FAM171A1: variants seen among roughly 807,000 people sequenced by gnomAD.
The protein encoded by FAM171A1 is family with sequence similarity 171 member A1.
A neutral mutation model predicts 74.9 loss-of-function variants in FAM171A1; 23 were observed. The ratio of observed to expected loss-of-function variants is 0.31; its 90% CI spans 0.22 to 0.44. FAM171A1 has a LOEUF of 0.44. Ranked by LOEUF, FAM171A1 falls within the 20% of genes least tolerant of loss-of-function variation. FAM171A1 has a pLI of 1.00. For synonymous variants in FAM171A1, 527 were observed against 505.7 expected (o/e 1.04, Z -0.57); for missense variants, 1,162 against 1,159.2 (o/e 1.00, Z -0.03).
At chr10:15,299,794 C>T (rs1172987422) in intron 1 of FAM171A1, among the ~76,000 whole-genome samples, 8 of 151,886 alleles carry the variant, frequency 5.3e-5, no homozygotes, top group South Asian at 2.1e-4. Context: ...CTGGCTAACA[C>T]GATGAAACCC....
chr10:15,332,302 C>A (rs1835648875), intron 1 of FAM171A1, among the ~76,000 whole-genome samples: 2 of 152,116 alleles, frequency 1.3e-5, no homozygotes, highest in Non-Finnish European at 2.9e-5. Context: ...ACCTTTTAAG[C>A]AACATTAACC....
chr10:15,249,429 G>C (rs547801611), intron 4 of FAM171A1, among the ~76,000 whole-genome samples: 6 of 152,162 alleles, frequency 3.9e-5, no homozygotes, highest in Non-Finnish European at 7.4e-5. Context: ...ATTGTGTTTT[G>C]CTTTCAAAAA....
intron 6 of FAM171A1, 54 bp from the exon 7 acceptor site, chr10:15,216,164 G>C (rs1833964368): frequency 2.6e-6 from 3 of 1,139,762 alleles, no homozygotes; most frequent in Non-Finnish European, 3.8e-6. Flanking sequence ...ACTCAAAAGA[G>C]GGATCATTCA....
At chr10:15,304,536 C>T (rs1461812017) in intron 1 of FAM171A1, among the ~76,000 whole-genome samples, 5 of 152,272 alleles carry the variant, frequency 3.3e-5, no homozygotes, top group South Asian at 4.1e-4. Context: ...CCTAAACCTG[C>T]TGCGGCCGCA....
At position 15,213,644 on chromosome 10, in the gene FAM171A1, C is replaced by T; in HGVS notation, c.1944G>A (p.Leu648=). ...TCCACTCCCGGGTGCCCGCATCCTG[C>T]AGGTGCTGCTGAGAGATGGCCTGGG... ...LSSQAISQQH[L]QDAGTREWSP... Residue 648 remains leucine (L), a synonymous_variant, in exon 8 of 8, where the codon CTG becomes CTA. Transcript: ENST00000378116. This position sits in a 1 kb window ranked among gnomAD's most constrained non-coding sequence, Gnocchi z 6.8. 1 of 1,614,050 alleles carries T rather than the reference C, an allele frequency of 6.2e-7. No homozygotes were observed. Among genetic ancestry groups the T allele is most frequent in the South Asian group, 1.1e-5 (1 of 91,064 alleles).
upstream of FAM171A1, among the ~76,000 whole-genome samples, chr10:15,371,548 G>A (rs1012679798): frequency 2.0e-5 from 3 of 152,126 alleles, no homozygotes; most frequent in African/African-American, 7.2e-5. Flanking sequence ...ATTGTATCTG[G>A]GTGTGACCCC....
chr10:15,230,905 G>C (rs969662485), intron 5 of FAM171A1, among the ~76,000 whole-genome samples: 1 of 152,302 alleles, frequency 6.6e-6, no homozygotes, highest in South Asian at 2.1e-4. Context: ...GAGAAATTTT[G>C]TTCATTACCC....
At chr10:15,227,659 G>A (rs1834126070) in intron 5 of FAM171A1, among the ~76,000 whole-genome samples, 1 of 152,190 alleles carries the variant, frequency 6.6e-6, no homozygotes, top group Admixed American at 6.5e-5. Context: ...GGGATTATAG[G>A]CATCAGTCAC....
chr10:15,243,005 A>G (rs1834381939), intron 5 of FAM171A1, among the ~76,000 whole-genome samples: 1 of 152,190 alleles, frequency 6.6e-6, no homozygotes, highest in South Asian at 2.1e-4. Context: ...AGGGTCTTAA[A>G]ACAGCACAGA....
In FAM171A1 at chr10:15,330,022, A is replaced by G. The variant is rs113660275; in HGVS notation, c.97+40934T>C. Among the ~76,000 whole-genome samples the G allele has an allele frequency of 2.0e-3, 308 of 152,302 alleles. 1 individual carries two copies. The highest frequency in any genetic ancestry group is 6.9e-3 in the African/African-American group (285 of 41,564). ...ATGGCACTGCAAATCACTGAATATT[A>G]TAAGTTTAATTCTCCTGGTAAACAT... On this transcript the variant is annotated intron_variant, in intron 1 of 7. Transcript: ENST00000378116.
chr10:15,362,178 A>C (rs1287734427), intron 1 of FAM171A1, among the ~76,000 whole-genome samples: 2 of 152,240 alleles, frequency 1.3e-5, no homozygotes, highest in Non-Finnish European at 2.9e-5. Flanking sequence ...AATATAAGAC[A>C]GCTTGACCTA....
At chr10:15,332,224 A>G (rs1210812169) in intron 1 of FAM171A1, among the ~76,000 whole-genome samples, 1 of 152,042 alleles carries the variant, frequency 6.6e-6, no homozygotes, top group African/African-American at 2.4e-5. Flanking sequence ...CCAGAGTGCT[A>G]GGATTACAGG....
chr10:15,342,901 T>G (rs192998657), intron 1 of FAM171A1, among the ~76,000 whole-genome samples: 8 of 152,336 alleles, frequency 5.3e-5, no homozygotes, highest in Admixed American at 5.2e-4. Flanking sequence ...AGACCGACCT[T>G]GGAGTCATGG....
At chr10:15,284,205 A>G (rs1301625768) in intron 1 of FAM171A1, 100 bp from the exon 2 acceptor site, 2 of 1,051,980 alleles carry the variant, frequency 1.9e-6, no homozygotes, top group East Asian at 2.5e-5. Flanking sequence ...GGGCTCTGTA[A>G]GGACATCAAG....
In FAM171A1 at chr10:15,248,714, T is replaced by A. The variant is rs192241347; in HGVS notation, c.679A>T (p.Thr227Ser). ...CTGCTCTGCGTGGCCAGGGGCACAGTGACATAGATGGGACCATCCACCAGC... is the reference window on the plus strand; with the variant it reads ...CTGCTCTGCGTGGCCAGGGGCACAGAGACATAGATGGGACCATCCACCAGC... The part of the protein sequence containing the change: ...PVLVDGPIYV[T>S]VPLATQSSLR... Residue 227 changes from threonine to serine, a missense_variant, in exon 5 of 8, where the codon ACT (threonine) becomes TCT (serine). Physicochemically the swap from Thr to Ser is moderately conservative, Grantham distance 58. Transcript: ENST00000378116. The A allele has an allele frequency of 4.3e-6, 7 of 1,613,478 alleles. No individual in the cohort carries two copies. The highest frequency in any genetic ancestry group is 5.9e-6 in the Non-Finnish European group (7 of 1,179,692).
At position 15,371,200 on chromosome 10, in the gene FAM171A1, G is replaced by T; in HGVS notation, c.-148C>A. The stretch of plus-strand genomic sequence containing the variant: ...CCGATTGGCCCGGCCCCGCCGCCCC[G>T]GCCGCTCCCTCCCGCGCCCCGCGCC... On this transcript the variant is annotated 5_prime_UTR_variant, in exon 1 of 8. Coordinates refer to ENST00000378116, the MANE Select transcript of FAM171A1 (RefSeq NM_001010924.2). The T allele has an allele frequency of 6.2e-6, 1 of 162,566 alleles. No homozygotes were observed. The highest frequency in any genetic ancestry group is 1.9e-4 in the South Asian group (1 of 5,274). 10.1% of individuals were successfully genotyped at this position (162,566 alleles called of 1,614,324 possible). A position where few individuals can be genotyped will look rare whatever the true frequency, so the allele number is the denominator to read the frequency against.
At chr10:15,359,155 A>G (rs896470684) in intron 1 of FAM171A1, among the ~76,000 whole-genome samples, 2 of 152,214 alleles carry the variant, frequency 1.3e-5, no homozygotes, top group African/African-American at 4.8e-5. Flanking sequence ...GTCCAGGTGA[A>G]TGAAGCTGAG....
chr10:15,295,037 T>A (rs147933179), intron 1 of FAM171A1, among the ~76,000 whole-genome samples: 1 of 152,342 alleles, frequency 6.6e-6, no homozygotes, highest in East Asian at 1.9e-4. Context: ...TGCCTCAGCC[T>A]CCTAAGTAAC....
chr10:15,353,424 T>C (rs865864221), intron 1 of FAM171A1, among the ~76,000 whole-genome samples: 7 of 152,152 alleles, frequency 4.6e-5, no homozygotes, highest in Admixed American at 2.0e-4. Context: ...ACCATAAATA[T>C]TGACATAATG....
Sources: allele counts gnomAD v4.1 joint callset (sites outside exome capture counted in the v4.1 genomes callset), GRCh38; gene constraint gnomAD v4.1.1; non-coding constraint Gnocchi (gnomAD v3.1); transcripts MANE v1.5; gene names NCBI Gene and HGNC (gene_info 2026-07-23, HGNC 2026-07-21).